Variants in SLC60A2 observed in about 807,000 individuals in gnomAD.
The protein encoded by SLC60A2 is solute carrier family 60 member 2, also known as major facilitator superfamily domain containing 4B.
At chr6:111,277,159 G>C in the SLC60A2 span, among the ~76,000 whole-genome samples, 1 of 152,242 alleles carries the variant, frequency 6.6e-6, no homozygotes, top group Non-Finnish European at 1.5e-5. Flanking sequence ...TCCACTGTCT[G>C]CTCTGTACCA....
the SLC60A2 span, chr6:111,267,149 A>C: frequency 6.4e-7 from 1 of 1,558,774 alleles, no homozygotes; most frequent in Non-Finnish European, 8.7e-7. Flanking sequence ...GACATCTTTG[A>C]ATAACTGCCA....
At chr6:111,263,883 A>G in the SLC60A2 span, 2 of 1,612,678 alleles carry the variant, frequency 1.2e-6, no homozygotes, top group Non-Finnish European at 1.7e-6. Flanking sequence ...TTTTTGCAAG[A>G]CAGCAATATT....
At chr6:111,260,850 C>A in the SLC60A2 span, among the ~76,000 whole-genome samples, 1 of 152,242 alleles carries the variant, frequency 6.6e-6, no homozygotes, top group South Asian at 2.1e-4. Context: ...TGATTAGATT[C>A]TGTGCTCAGG....
At chr6:111,271,050 A>T in the SLC60A2 span, 1 of 149,834 alleles carries the variant, frequency 6.7e-6, no homozygotes, top group Non-Finnish European at 1.5e-5. Flanking sequence ...TCACTATTTT[A>T]TGTCCCTTAT....
At chr6:111,263,455 G>GT in the SLC60A2 span, among the ~76,000 whole-genome samples, 2 of 151,920 alleles carry the variant, frequency 1.3e-5, no homozygotes, top group Non-Finnish European at 2.9e-5. Context: ...AACTACTCTA[G>GT]TAATTGCATT....
At chr6:111,279,611 C>T in the SLC60A2 span, among the ~76,000 whole-genome samples, 1 of 152,008 alleles carries the variant, frequency 6.6e-6, no homozygotes, top group Non-Finnish European at 1.5e-5. Flanking sequence ...CACTCCACTG[C>T]TGCTTGGTCC....
At chr6:111,270,842 CA>C in the SLC60A2 span, 54 of 120,222 alleles carry the variant, frequency 4.5e-4, no homozygotes, top group East Asian at 2.4e-3. Flanking sequence ...GAGACTGTCT[CA>C]AAAAAAAAAA....
the SLC60A2 span, chr6:111,263,996 A>T: frequency 4.1e-6 from 4 of 967,482 alleles, no homozygotes; most frequent in East Asian, 2.4e-5. Context: ...TTGCTAGAAG[A>T]AGTACAGCAG....
the SLC60A2 span, chr6:111,266,742 T>G: frequency 6.2e-7 from 1 of 1,614,182 alleles, no homozygotes; most frequent in Non-Finnish European, 8.5e-7. Context: ...TTTGGGAGCA[T>G]CAATAGCTAC....
At chr6:111,278,336 A>G in the SLC60A2 span, 23 of 152,340 alleles carry the variant, frequency 1.5e-4, no homozygotes, top group Middle Eastern at 6.8e-3. Context: ...GTCCAGGTTT[A>G]TGGGAAACAT....
At chr6:111,265,733 T>C in the SLC60A2 span, 1 of 668,202 alleles carries the variant, frequency 1.5e-6, no homozygotes, top group East Asian at 2.8e-5. Flanking sequence ...AGAATTGATT[T>C]AGTTGCAATG....
chr6:111,265,316 C>G, the SLC60A2 span: 1 of 984,784 alleles, frequency 1.0e-6, no homozygotes, highest in Non-Finnish European at 1.2e-6. Context: ...CTTTCTCCTC[C>G]TAGACGTTTA....
the SLC60A2 span, chr6:111,259,636 A>T: frequency 6.6e-7 from 1 of 1,519,872 alleles, no homozygotes; most frequent in Non-Finnish European, 8.9e-7. Flanking sequence ...CCGGAGCCGG[A>T]GGTGGTGGTG....
At chr6:111,264,512 G>A in the SLC60A2 span, among the ~76,000 whole-genome samples, 3 of 152,034 alleles carry the variant, frequency 2.0e-5, no homozygotes, top group Non-Finnish European at 2.9e-5. Context: ...TAAATAGGCC[G>A]GGTGCGGTGG....
At chr6:111,268,502 GTTATTT>G in the SLC60A2 span, 1 of 152,184 alleles carries the variant, frequency 6.6e-6, no homozygotes, top group African/African-American at 2.4e-5. Context: ...TTAAAAATAA[GTTATTT>G]TTATATGCTA....
chr6:111,273,793 A>G, the SLC60A2 span, among the ~76,000 whole-genome samples: 1 of 152,066 alleles, frequency 6.6e-6, no homozygotes, highest in Admixed American at 6.6e-5. Context: ...TGGCACAATT[A>G]CGGCTCACTG....
At chr6:111,263,843 G>A in the SLC60A2 span, 103 of 1,594,058 alleles carry the variant, frequency 6.5e-5, no homozygotes, top group Non-Finnish European at 8.1e-5. Context: ...TCTCAATGTC[G>A]GCTACCACCG....
chr6:111,269,264 A>T, the SLC60A2 span: 2 of 152,304 alleles, frequency 1.3e-5, no homozygotes, highest in Non-Finnish European at 2.9e-5. Flanking sequence ...CAATGACGTG[A>T]TCTCAGCTCA....
the SLC60A2 span, among the ~76,000 whole-genome samples, chr6:111,272,505 C>G: frequency 1.4e-5 from 2 of 139,870 alleles, no homozygotes; most frequent in Non-Finnish European, 3.1e-5. Context: ...TTCCTTCTAA[C>G]TGTATTTTTT....
Sources: gnomAD v4.1 joint callset for allele counts (sites outside exome capture counted in the v4.1 genomes callset) on GRCh38, gnomAD v4.1.1 for gene constraint, MANE v1.5 for transcripts, NCBI Gene and HGNC (gene_info 2026-07-23, HGNC 2026-07-21) for gene names.